SYTL5: variants seen among roughly 807,000 people sequenced by gnomAD.
SYTL5 encodes the protein synaptotagmin like 5.
SYTL5 carries 34 observed loss-of-function variants against 55.9 expected under a neutral mutation model. The ratio of observed to expected loss-of-function variants is 0.61; its 90% CI spans 0.46 to 0.81. The LOEUF (loss-of-function observed/expected upper bound fraction) is 0.81, where lower values mean the gene tolerates loss of function less well. SYTL5 is among the 30% of genes least tolerant of loss of function. The pLI is 0.00. For missense variants in SYTL5, 637 were observed against 546.7 expected, an observed-to-expected ratio of 1.17 and a Z score of -1.65; for synonymous variants, 221 against 188.7, an observed-to-expected ratio of 1.17 and a Z score of -1.40.
At chrX:38,068,721 A>G (rs1936171127) in intron 3 of SYTL5, among the ~76,000 whole-genome samples, 1 of 111,302 alleles carries the variant, frequency 9.0e-6, no homozygotes, top group Non-Finnish European at 1.9e-5. Context: ...TAGGAGCTAA[A>G]CATTGGGTAC....
At chrX:37,974,510 G>T in the SYTL5 span, among the ~76,000 whole-genome samples, 1 of 111,700 alleles carries the variant, frequency 9.0e-6, no homozygotes, top group South Asian at 3.7e-4. Flanking sequence ...TAGTAGTGAT[G>T]GTTGTACAAT....
chrX:37,903,708 A>G, the SYTL5 span, among the ~76,000 whole-genome samples: 1 of 111,646 alleles, frequency 9.0e-6, no homozygotes, highest in Non-Finnish European at 1.9e-5. Context: ...AATAAAAAAT[A>G]AATAAAAATA....
At chrX:37,892,192 T>G in the SYTL5 span, among the ~76,000 whole-genome samples, 2 of 110,198 alleles carry the variant, frequency 1.8e-5, no homozygotes, top group African/African-American at 6.6e-5. Flanking sequence ...GGCTTTTAAG[T>G]AGAGCAGTAA....
At chrX:37,956,633 A>G in the SYTL5 span, among the ~76,000 whole-genome samples, 1 of 112,467 alleles carries the variant, frequency 8.9e-6, no homozygotes, top group South Asian at 3.6e-4. Flanking sequence ...ATGATTTTTT[A>G]ATAATGAATA....
Position 38,122,099 on chromosome X carries a change from G to T in SYTL5, c.1725G>T (p.Lys575Asn). Reference protein sequence around the residue: ...EQLQGNKTFKKGKKKESPVIS... With the variant: ...EQLQGNKTFKNGKKKESPVIS... Reference sequence around the variant, plus strand: ...ACACAGGAAATAAGACTTTTAAAAAGGGAAAGAAGAAGGAGTCACCTGTAA... The same window carrying T: ...ACACAGGAAATAAGACTTTTAAAAATGGAAAGAAGAAGGAGTCACCTGTAA... Residue 575 changes from lysine (K) to asparagine (N), a missense_variant, in exon 15 of 17, where the codon AAG (lysine) becomes AAT (asparagine). Transcript: ENST00000297875. 8.4e-7 allele frequency: 1 copy of T among 1,188,332 alleles called. No individual in the cohort carries two copies. Among genetic ancestry groups the T allele is most frequent in the Non-Finnish European group, 1.1e-6 (1 of 882,675 alleles).
At chrX:38,030,691 T>A (rs1934927381) in intron 1 of SYTL5, among the ~76,000 whole-genome samples, 1 of 111,804 alleles carries the variant, frequency 8.9e-6, no homozygotes, top group Non-Finnish European at 1.9e-5. Flanking sequence ...AAAGACTCAT[T>A]CCCTAATCCT....
intron 1 of SYTL5, among the ~76,000 whole-genome samples, chrX:38,032,261 G>A (rs1198878433): frequency 8.9e-6 from 1 of 111,736 alleles, no homozygotes; most frequent in African/African-American, 3.3e-5. Context: ...ATCATGGGAT[G>A]ATGCCCAATC....
At chrX:38,020,103 G>A (rs939020447) in intron 1 of SYTL5, among the ~76,000 whole-genome samples, 3 of 110,733 alleles carry the variant, frequency 2.7e-5, no homozygotes, top group African/African-American at 9.8e-5. Flanking sequence ...AAAGCTATAT[G>A]ACACTCATAC....
chrX:38,089,361 A>C lies in SYTL5; in HGVS notation c.690-85A>C, dbSNP rs575082765. On this transcript the variant is annotated intron_variant, in intron 6 of 16. Coordinates refer to ENST00000297875, the MANE Select transcript of SYTL5 (RefSeq NM_138780.3). ...TCAGTGCGGTTCATATGTTCTTATCAGTTTCCTCATCAGCTTTACTCTGCC... is the reference window on the plus strand; with the variant it reads ...TCAGTGCGGTTCATATGTTCTTATCCGTTTCCTCATCAGCTTTACTCTGCC... 142 of 1,030,582 alleles carry C rather than the reference A, an allele frequency of 1.4e-4. No individual in the cohort carries two copies. In the Middle Eastern group the frequency reaches 1.9e-3, roughly 14 times the overall value. The allele number at this position is 1,030,582 out of a possible 1,213,427, so 84.9% of individuals were successfully genotyped here.
the SYTL5 span, chrX:37,990,909 G>A: frequency 8.3e-7 from 1 of 1,211,651 alleles, no homozygotes; most frequent in Non-Finnish European, 1.1e-6. Flanking sequence ...TTCTAGAAAT[G>A]AGCTACAGGT....
intron 1 of SYTL5, among the ~76,000 whole-genome samples, chrX:38,016,037 G>A (rs764779557): frequency 2.2e-4 from 24 of 111,533 alleles, no homozygotes; most frequent in Middle Eastern, 4.6e-3. Context: ...GAATGCGCTA[G>A]GCCTACTATC....
chrX:38,071,714 T>A (rs920729861), intron 3 of SYTL5, among the ~76,000 whole-genome samples: 1 of 111,812 alleles, frequency 8.9e-6, no homozygotes, highest in Admixed American at 9.5e-5. Flanking sequence ...TGGGATGGGA[T>A]CCTGGCTCTG....
intron 1 of SYTL5, among the ~76,000 whole-genome samples, chrX:38,008,476 C>A (rs778721169): frequency 1.8e-5 from 2 of 111,580 alleles, no homozygotes; most frequent in South Asian, 7.5e-4. Context: ...AGCAAAAAAG[C>A]AGATGGTGCT....
intron 3 of SYTL5, among the ~76,000 whole-genome samples, chrX:38,064,195 T>A (rs968579351): frequency 1.1e-4 from 12 of 111,320 alleles, no homozygotes; most frequent in African/African-American, 3.9e-4. Context: ...CGGCAGATTG[T>A]GCATCTGGGA....
intron 11 of SYTL5, among the ~76,000 whole-genome samples, chrX:38,108,395 C>G (rs1399146516): frequency 9.0e-6 from 1 of 111,510 alleles, no homozygotes; most frequent in East Asian, 2.8e-4. Flanking sequence ...AACCCACACT[C>G]TTTTATCATT....
At chrX:37,982,276 A>G in the SYTL5 span, among the ~76,000 whole-genome samples, 1 of 112,417 alleles carries the variant, frequency 8.9e-6, no homozygotes, top group South Asian at 3.7e-4. Context: ...GAGAGTTATA[A>G]TAACTGAAAT....
intron 10 of SYTL5, among the ~76,000 whole-genome samples, chrX:38,106,097 C>G (rs373222972): frequency 9.0e-6 from 1 of 111,525 alleles, no homozygotes; most frequent in African/African-American, 3.3e-5. Context: ...TATGGCTCCC[C>G]GGAGACTGAT....
chrX:37,977,638 T>C, the SYTL5 span, among the ~76,000 whole-genome samples: 6 of 107,805 alleles, frequency 5.6e-5, no homozygotes, highest in African/African-American at 2.0e-4. Context: ...TACTGTTGTG[T>C]CCACCTTAAA....
the SYTL5 span, among the ~76,000 whole-genome samples, chrX:37,904,016 C>T: frequency 9.0e-6 from 1 of 111,549 alleles, no homozygotes; most frequent in African/African-American, 3.3e-5. Flanking sequence ...TTATCCATTT[C>T]TATAAACCTA....
Sources: gnomAD v4.1 joint callset for allele counts (sites outside exome capture counted in the v4.1 genomes callset) on GRCh38, gnomAD v4.1.1 for gene constraint, MANE v1.5 for transcripts, NCBI Gene and HGNC (gene_info 2026-07-23, HGNC 2026-07-21) for gene names.